Variants in ACSM3 observed in about 807,000 individuals in gnomAD.
ACSM3 encodes acyl-CoA synthetase medium chain family member 3.
In ACSM3, 61 loss-of-function variants were observed where a neutral mutation model predicts 74.1. That is an observed-to-expected ratio of 0.82 (90% CI 0.67 to 1.02). The LOEUF (loss-of-function observed/expected upper bound fraction) is 1.02. Ranked by LOEUF, ACSM3 falls within the 50% of genes least tolerant of loss-of-function variation. The probability of loss-of-function intolerance (pLI) is 0.00; values close to 1 mark genes in which losing one functional copy is unlikely to be tolerated. For synonymous variants in ACSM3, 213 were observed against 241.5 expected, an observed-to-expected ratio of 0.88 and a Z score of 1.09; for missense variants, 660 against 697.0, an observed-to-expected ratio of 0.95 and a Z score of 0.60.
intron 12 of ACSM3, among the ~76,000 whole-genome samples, chr16:20,794,306 T>C (rs2080671362): frequency 6.6e-6 from 1 of 152,220 alleles, no homozygotes; most frequent in South Asian, 2.1e-4. Flanking sequence ...TCTAGATCAC[T>C]AGGTTCTTAA....
chr16:20,715,386 C>T (rs914679242), intron 1 of ACSM3, among the ~76,000 whole-genome samples: 1 of 152,110 alleles, frequency 6.6e-6, no homozygotes, highest in African/African-American at 2.4e-5. Flanking sequence ...GGTGGATCAC[C>T]TGAGGTCAGG....
At chr16:20,774,344 C>T (rs1050445001) in intron 2 of ACSM3, among the ~76,000 whole-genome samples, 1 of 150,672 alleles carries the variant, frequency 6.6e-6, no homozygotes, top group African/African-American at 2.4e-5. Flanking sequence ...CGGGTTCAAG[C>T]GATTCTCCTG....
intron 1 of ACSM3, among the ~76,000 whole-genome samples, chr16:20,747,729 A>G (rs2079963758): frequency 6.6e-6 from 1 of 152,282 alleles, no homozygotes; most frequent in African/African-American, 2.4e-5. Flanking sequence ...TTACAGAAAG[A>G]TAATTCCATT....
intron 1 of ACSM3, chr16:20,682,049 T>C: frequency 1.9e-6 from 1 of 530,958 alleles, no homozygotes. Context: ...AGCTTCCCCC[T>C]GCACAGATCT....
chr16:20,776,796 G>A (rs905836138), intron 3 of ACSM3, among the ~76,000 whole-genome samples: 1 of 152,196 alleles, frequency 6.6e-6, no homozygotes, highest in South Asian at 2.1e-4. Flanking sequence ...ATCTTACAGT[G>A]TAATATATAA....
At chr16:20,709,588 T>A (rs1018671081) in intron 1 of ACSM3, among the ~76,000 whole-genome samples, 2 of 152,242 alleles carry the variant, frequency 1.3e-5, no homozygotes, top group Admixed American at 6.5e-5. Context: ...TATTTATAAG[T>A]CATTAAGAAC....
At chr16:20,737,015 T>C (rs2079875453) in intron 1 of ACSM3, 1 of 1,614,216 alleles carries the variant, frequency 6.2e-7, no homozygotes, top group East Asian at 2.2e-5. Context: ...TATTCTCTGG[T>C]ACCTGCTGGT....
intron 2 of ACSM3, among the ~76,000 whole-genome samples, chr16:20,774,723 T>C (rs764531653): frequency 2.3e-4 from 35 of 152,198 alleles, no homozygotes; most frequent in Non-Finnish European, 2.4e-4. Context: ...GTGCCAGCAG[T>C]GGCTCCAGTG....
At chr16:20,754,046 A>T (rs1186326504) in intron 2 of ACSM3, among the ~76,000 whole-genome samples, 1 of 152,208 alleles carries the variant, frequency 6.6e-6, no homozygotes, top group Non-Finnish European at 1.5e-5. Flanking sequence ...CCACGCTAGG[A>T]CCTTGGACAA....
rs2152427957 is a variant in ACSM3, at chr16:20,745,340, C to CT, written c.-189-4567dup. Reference sequence around the variant, plus strand: ...GTGGCTCACGCTTGTAATCCCAGCACTTTGGGAGGCCAAGGAGGGTAGATC... The same window carrying CT: ...GTGGCTCACGCTTGTAATCCCAGCACTTTTGGGAGGCCAAGGAGGGTAGATC... On this transcript the variant is annotated intron_variant, in intron 1 of 3. Coordinates refer to the ACSM3 transcript ENST00000561584. Among the ~76,000 whole-genome samples, 2 of 152,190 alleles carry CT rather than the reference C, an allele frequency of 1.3e-5. 1 individual carries two copies. The highest frequency in any genetic ancestry group is 3.9e-4 in the East Asian group (2 of 5,164).
rs550789979 is a variant in ACSM3 at position 20,741,829 on chromosome 16, A to G, written c.-189-8081A>G. On this transcript the variant is annotated intron_variant, in intron 1 of 3. Transcript: ENST00000561584. ...CCGGCGCGAACTGGTGACGTCGGATATGAGCGACGGCCTCCCCTAGCCGGC... is the reference window on the plus strand; with the variant it reads ...CCGGCGCGAACTGGTGACGTCGGATGTGAGCGACGGCCTCCCCTAGCCGGC... 2,897 of 1,539,616 alleles carry G rather than the reference A, an allele frequency of 1.9e-3. 10 individuals carry two copies. The highest frequency in any genetic ancestry group is 2.2e-3 in the Non-Finnish European group (2,533 of 1,146,786).
intron 1 of ACSM3, among the ~76,000 whole-genome samples, chr16:20,712,896 G>C (rs1025183267): frequency 4.0e-5 from 6 of 150,190 alleles, no homozygotes; most frequent in African/African-American, 1.5e-4. Flanking sequence ...CCAGGCGACA[G>C]AGCAAGACTC....
chr16:20,778,837 A>G (rs2012668), intron 4 of ACSM3, among the ~76,000 whole-genome samples: 94,351 of 151,662 alleles, frequency 0.62, 30,416 homozygotes, highest in Non-Finnish European at 0.72. Flanking sequence ...TGCAACCTCC[A>G]CCTCCCGAGT....
At chr16:20,796,547 T>A in intron 13 of ACSM3, 58 bp downstream of exon 13, 1 of 1,593,422 alleles carries the variant, frequency 6.3e-7, no homozygotes, top group Non-Finnish European at 8.5e-7. Flanking sequence ...TTCAAGTGTT[T>A]ATTTTTACAT....
intron 1 of ACSM3, among the ~76,000 whole-genome samples, chr16:20,718,777 C>T (rs1207539016): frequency 6.6e-6 from 1 of 152,252 alleles, no homozygotes; most frequent in East Asian, 1.9e-4. Flanking sequence ...AAAGGCCTTC[C>T]TAAAAGAGAG....
chr16:20,701,127 T>C (rs895077944), intron 1 of ACSM3, among the ~76,000 whole-genome samples: 1 of 152,100 alleles, frequency 6.6e-6, no homozygotes, highest in African/African-American at 2.4e-5. Context: ...AATTTATATA[T>C]AAAAAATGCT....
intron 1 of ACSM3, chr16:20,681,388 G>A (rs1164147984): frequency 6.6e-6 from 1 of 152,206 alleles, no homozygotes; most frequent in Non-Finnish European, 1.5e-5. Flanking sequence ...GAATGCACAA[G>A]TTGGCCCATG....
Position 20,797,571 on chromosome 16 carries a change from T to A in ACSM3, c.*599T>A. 1 of 1,289,732 alleles carries A rather than the reference T, an allele frequency of 7.8e-7. No homozygotes were observed. Among genetic ancestry groups the A allele is most frequent in the Non-Finnish European group, 9.8e-7 (1 of 1,020,438 alleles). The allele number at this position is 1,289,732 out of a possible 1,614,324, so 79.9% of individuals were successfully genotyped here. ...ATTATATGTAATCTAATAAATACTGTTTACAAAAGATTACACTTGTGGTTC... is the reference window on the plus strand; with the variant it reads ...ATTATATGTAATCTAATAAATACTGATTACAAAAGATTACACTTGTGGTTC... On this transcript the variant is annotated 3_prime_UTR_variant, in exon 14 of 14. Coordinates refer to ENST00000289416, the MANE Select transcript of ACSM3 (RefSeq NM_005622.4).
intron 1 of ACSM3, among the ~76,000 whole-genome samples, chr16:20,725,860 C>G (rs1050414442): frequency 6.6e-6 from 1 of 152,144 alleles, no homozygotes; most frequent in Non-Finnish European, 1.5e-5. Flanking sequence ...GTAATCCCAG[C>G]CTCTTTGGAG....
Sources: gnomAD v4.1 joint callset for allele counts (sites outside exome capture counted in the v4.1 genomes callset) on GRCh38, gnomAD v4.1.1 for gene constraint, MANE v1.5 for transcripts, NCBI Gene and HGNC (gene_info 2026-07-23, HGNC 2026-07-21) for gene names.